The following SGIP1 variants were observed in gnomAD, a reference collection of about 807,000 sequenced individuals.
SGIP1 encodes SH3-containing GRB2-like protein 3-interacting protein 1.
In SGIP1, 38 loss-of-function variants were observed where a neutral mutation model predicts 107.5. The ratio of observed to expected loss-of-function variants is 0.35; its 90% CI spans 0.27 to 0.46. SGIP1 has a LOEUF of 0.46. SGIP1 is among the 20% of genes least tolerant of loss of function. SGIP1 has a pLI of 1.00. For synonymous variants in SGIP1, 365 were observed against 366.1 expected, an observed-to-expected ratio of 1.00 and a Z score of 0.03; for missense variants, 929 against 1,019.5, an observed-to-expected ratio of 0.91 and a Z score of 1.21.
At chr1:66,741,976 C>A (rs1472053020) in intron 24 of SGIP1, among the ~76,000 whole-genome samples, 2 of 152,066 alleles carry the variant, frequency 1.3e-5, no homozygotes, top group Non-Finnish European at 2.9e-5. Context: ...CCGTGTTAGC[C>A]AGGATGGTCT....
intron 19 of SGIP1, among the ~76,000 whole-genome samples, chr1:66,723,433 A>G (rs1572264976): frequency 6.6e-6 from 1 of 152,176 alleles, no homozygotes; most frequent in African/African-American, 2.4e-5. Context: ...CAGGCAGCAA[A>G]TTCCTTACCT....
intron 1 of SGIP1, among the ~76,000 whole-genome samples, chr1:66,536,305 G>T (rs1401990998): frequency 6.6e-6 from 1 of 152,194 alleles, no homozygotes; most frequent in Non-Finnish European, 1.5e-5. Context: ...AAGAGAAATT[G>T]GACAGGTGTT....
intron 1 of SGIP1, among the ~76,000 whole-genome samples, chr1:66,621,471 T>G (rs1319841014): frequency 6.6e-6 from 1 of 152,258 alleles, no homozygotes; most frequent in Non-Finnish European, 1.5e-5. Flanking sequence ...TTTTCCATTT[T>G]GGCCATTTTA....
intron 11 of SGIP1, among the ~76,000 whole-genome samples, chr1:66,672,262 G>A (rs1363196879): frequency 6.6e-6 from 1 of 152,076 alleles, no homozygotes; most frequent in African/African-American, 2.4e-5. Flanking sequence ...GACAGCTAAA[G>A]TTTCTCTCTA....
At position 66,639,818 on chromosome 1, in the gene SGIP1, T is replaced by C. The variant is rs201045046; in HGVS notation, c.213T>C (p.Ile71=). Residue 71 remains isoleucine, a synonymous_variant, in exon 5 of 25, where the codon ATT becomes ATC. Transcript: ENST00000371037. ...NGAPNGFYAE[I]DWERYNSPEL... is the part of the protein sequence containing the mutation. ...CACCAAATGGATTTTATGCGGAAAT[T>C]GATTGGGAAAGATATGTGAGTATCA... 9 of 1,612,090 alleles carry C rather than the reference T, an allele frequency of 5.6e-6. No homozygotes were observed. Among genetic ancestry groups the C allele is most frequent in the Non-Finnish European group, 7.6e-6 (9 of 1,178,824 alleles).
At chr1:66,731,701 T>G (rs889305685) in intron 20 of SGIP1, among the ~76,000 whole-genome samples, 1 of 152,136 alleles carries the variant, frequency 6.6e-6, no homozygotes, top group Admixed American at 6.5e-5. Flanking sequence ...CCCCAGTTTT[T>G]TAAAAAGGCA....
intron 1 of SGIP1, among the ~76,000 whole-genome samples, chr1:66,600,118 C>T (rs1356622883): frequency 2.6e-5 from 4 of 152,180 alleles, no homozygotes; most frequent in Admixed American, 6.5e-5. Context: ...TGTTCAGTGG[C>T]ATTTAACATG....
At chr1:66,696,791 T>C (rs1219134773) in intron 18 of SGIP1, among the ~76,000 whole-genome samples, 1 of 152,230 alleles carries the variant, frequency 6.6e-6, no homozygotes, top group Non-Finnish European at 1.5e-5. Context: ...TCATTAATTT[T>C]GTGATAACCA....
intron 15 of SGIP1, among the ~76,000 whole-genome samples, chr1:66,683,546 A>G (rs778409462): frequency 2.2e-4 from 33 of 152,058 alleles, no homozygotes; most frequent in Non-Finnish European, 3.8e-4. Context: ...ATATCTTTAG[A>G]TGTGTATGCT....
rs2076992081 is a variant in SGIP1, at chr1:66,642,665, C to T, written c.229-145C>T. ...CTTGAGTAAATATCTAAACATATTG[C>T]TCAGAATTCACTTCCAAAAGTAAAA... On this transcript the variant is annotated intron_variant, in intron 5 of 24. Coordinates refer to ENST00000371037, the MANE Select transcript of SGIP1 (RefSeq NM_032291.4). 1.2e-5 allele frequency: 7 copies of T among 585,302 alleles called. No individual in the cohort carries two copies. The South Asian group carries it at 2.0e-4, about 17-fold the overall frequency. The allele number at this position is 585,302 out of a possible 1,614,324, so 36.3% of individuals were successfully genotyped here.
intron 2 of SGIP1, among the ~76,000 whole-genome samples, chr1:66,629,474 C>T (rs950606359): frequency 6.6e-6 from 1 of 152,094 alleles, no homozygotes; most frequent in Non-Finnish European, 1.5e-5. Flanking sequence ...CAAACTAAGA[C>T]TTGGAGGCCA....
At chr1:66,641,868 T>C (rs550411054) in intron 5 of SGIP1, among the ~76,000 whole-genome samples, 1 of 152,230 alleles carries the variant, frequency 6.6e-6, no homozygotes, top group Non-Finnish European at 1.5e-5. Context: ...TCTTTAACCT[T>C]CCCTCTGCTT....
chr1:66,674,744 G>C (rs1206492310), intron 12 of SGIP1, among the ~76,000 whole-genome samples: 1 of 152,202 alleles, frequency 6.6e-6, no homozygotes, highest in Non-Finnish European at 1.5e-5. Flanking sequence ...CAGAAGAAAG[G>C]AAGTGGGGTG....
chr1:66,552,999 G>A (rs1557862667), intron 1 of SGIP1, among the ~76,000 whole-genome samples: 1 of 152,106 alleles, frequency 6.6e-6, no homozygotes, highest in East Asian at 1.9e-4. Flanking sequence ...TGGGACCTCA[G>A]AGACCAACAC....
intron 4 of SGIP1, among the ~76,000 whole-genome samples, chr1:66,639,461 T>C (rs1291914615): frequency 6.6e-6 from 1 of 152,242 alleles, no homozygotes; most frequent in African/African-American, 2.4e-5. Context: ...ATTTAGAGGA[T>C]TCCATTACAA....
intron 1 of SGIP1, among the ~76,000 whole-genome samples, chr1:66,553,952 G>C (rs572822685): frequency 3.8e-4 from 58 of 152,238 alleles, no homozygotes; most frequent in African/African-American, 1.3e-3. Flanking sequence ...CACTTTCTGA[G>C]TGTCCAGCAG....
chr1:66,583,650 G>A (rs974568670), intron 1 of SGIP1, among the ~76,000 whole-genome samples: 5 of 152,046 alleles, frequency 3.3e-5, no homozygotes, highest in African/African-American at 1.2e-4. Flanking sequence ...TACATCCTTG[G>A]ATAAGCCTTC....
At chr1:66,709,996 A>G (rs1349933374) in intron 18 of SGIP1, among the ~76,000 whole-genome samples, 1 of 151,832 alleles carries the variant, frequency 6.6e-6, no homozygotes, top group Non-Finnish European at 1.5e-5. Context: ...GATATATTTT[A>G]TATAATATTT....
At chr1:66,640,857 A>G (rs1307737444) in intron 5 of SGIP1, among the ~76,000 whole-genome samples, 1 of 151,740 alleles carries the variant, frequency 6.6e-6, no homozygotes, top group Non-Finnish European at 1.5e-5. Context: ...AAAAATGGTG[A>G]GTTTCAGACA....
Sources: gnomAD v4.1 joint callset for allele counts (sites outside exome capture counted in the v4.1 genomes callset) on GRCh38, gnomAD v4.1.1 for gene constraint, MANE v1.5 for transcripts, NCBI Gene and HGNC (gene_info 2026-07-23, HGNC 2026-07-21) for gene names.